L3MBTL4: variants seen among roughly 807,000 people sequenced by gnomAD.
The protein encoded by L3MBTL4 is L3MBTL histone methyl-lysine binding protein 4, also known as lethal(3)malignant brain tumor-like protein 4.
L3MBTL4 carries 70 observed loss-of-function variants against 84.5 expected under a neutral mutation model. The ratio of observed to expected loss-of-function variants is 0.83; its 90% CI spans 0.68 to 1.01. The LOEUF (loss-of-function observed/expected upper bound fraction) is 1.01. Ranked by LOEUF, L3MBTL4 falls within the 50% of genes least tolerant of loss-of-function variation. The pLI is 0.00. For missense variants in L3MBTL4, 715 were observed against 754.8 expected, an observed-to-expected ratio of 0.95 and a Z score of 0.62; for synonymous variants, 274 against 259.8, an observed-to-expected ratio of 1.05 and a Z score of -0.52.
At chr18:6,081,074 G>T in intron 15 of L3MBTL4, 123 bp from the exon 16 acceptor site, 1 of 589,862 alleles carries the variant, frequency 1.7e-6, no homozygotes, top group Non-Finnish European at 2.8e-6. Flanking sequence ...CAGGTATTTT[G>T]CTGCACAGAG....
At chr18:6,298,254 T>C (rs2050187248) in intron 4 of L3MBTL4, among the ~76,000 whole-genome samples, 1 of 152,214 alleles carries the variant, frequency 6.6e-6, no homozygotes, top group African/African-American at 2.4e-5. Flanking sequence ...TACTTATAAA[T>C]TTATATTTAT....
At chr18:6,180,788 C>T (rs570812156) in intron 12 of L3MBTL4, among the ~76,000 whole-genome samples, 2 of 152,308 alleles carry the variant, frequency 1.3e-5, no homozygotes, top group Admixed American at 1.3e-4. Context: ...TATTTTTTAA[C>T]CACAAACCCT....
At chr18:5,990,544 T>C (rs2053643022) in intron 16 of L3MBTL4, among the ~76,000 whole-genome samples, 1 of 152,172 alleles carries the variant, frequency 6.6e-6, no homozygotes. Context: ...ATCTGTATCA[T>C]ATATATGAAA....
At chr18:6,034,612 G>A (rs1346602602) in intron 16 of L3MBTL4, among the ~76,000 whole-genome samples, 82 of 152,246 alleles carry the variant, frequency 5.4e-4, no homozygotes, top group African/African-American at 1.9e-3. Context: ...AAACATACGT[G>A]TGCATGTGTC....
intron 3 of L3MBTL4, 67 bp downstream of exon 3, chr18:6,311,487 C>T: frequency 7.5e-7 from 1 of 1,341,868 alleles, no homozygotes; most frequent in Non-Finnish European, 1.1e-6. Context: ...GTGAACTCTA[C>T]TATTCCATGG....
chr18:6,375,999 G>C (rs2054352274), intron 1 of L3MBTL4, among the ~76,000 whole-genome samples: 1 of 152,190 alleles, frequency 6.6e-6, no homozygotes, highest in Non-Finnish European at 1.5e-5. Context: ...TGCTCAAGTT[G>C]CCAGTAGCTT....
chr18:5,979,012 C>A (rs139425999), intron 16 of L3MBTL4, among the ~76,000 whole-genome samples: 7 of 152,162 alleles, frequency 4.6e-5, no homozygotes, highest in Non-Finnish European at 8.8e-5. Context: ...ACCTCCACCC[C>A]CCGGCACAGC....
rs139811431 is a variant in L3MBTL4, at chr18:6,214,170, T to G, written c.871-911A>C. Among the ~76,000 whole-genome samples the G allele has an allele frequency of 8.0e-4, 122 of 152,284 alleles. 1 individual carries two copies. Among genetic ancestry groups the G allele is most frequent in the Non-Finnish European group, 1.5e-3 (103 of 68,024 alleles). On this transcript the variant is annotated intron_variant, in intron 11 of 18. Coordinates refer to ENST00000317931, the MANE Select transcript of L3MBTL4 (RefSeq NM_001330559.2). Reference sequence around the variant, plus strand: ...CATTTCATCTGTAACAAGAGACAGGTGATCTGTGTTATGGTTTCTTTCACT... The same window carrying G: ...CATTTCATCTGTAACAAGAGACAGGGGATCTGTGTTATGGTTTCTTTCACT...
intron 16 of L3MBTL4, among the ~76,000 whole-genome samples, chr18:6,010,425 A>T (rs2054681089): frequency 6.6e-6 from 1 of 152,088 alleles, no homozygotes; most frequent in East Asian, 1.9e-4. Context: ...ATCAGTGATG[A>T]CTCAACTTAT....
intron 16 of L3MBTL4, chr18:6,030,071 T>C: frequency 2.0e-6 from 2 of 985,364 alleles, no homozygotes; most frequent in Non-Finnish European, 2.4e-6. Context: ...CGTCAGATTT[T>C]ATTGCTAAAG....
intron 12 of L3MBTL4, among the ~76,000 whole-genome samples, chr18:6,180,663 T>G (rs937528172): frequency 6.6e-6 from 1 of 152,208 alleles, no homozygotes; most frequent in Non-Finnish European, 1.5e-5. Flanking sequence ...ACTGCCCAAA[T>G]TCATCAGGTT....
rs796452134 is a variant in L3MBTL4, at chr18:6,322,497, GGAAGGAAA to G, written c.-90-10449_-90-10442del. 6.1e-3 allele frequency among the ~76,000 whole-genome samples: 846 copies of G among 139,254 alleles called. 6 individuals are homozygous for G. The highest frequency in any genetic ancestry group is 0.015 in the Admixed American group (213 of 14,332). 91.4% of individuals were successfully genotyped at this position (139,254 alleles called of 152,430 possible). A position where few individuals can be genotyped will look rare whatever the true frequency, so the allele number is the denominator to read the frequency against. ...AGGAAGGAAGGAAGGAAGGAAGGAA[GGAAGGAAA>G]GAAGGAAAAAAAAAACAAACAAACA... On this transcript the variant is annotated intron_variant, in intron 1 of 18. Transcript: ENST00000317931.
chr18:6,126,434 TC>T (rs2059697699), intron 14 of L3MBTL4, among the ~76,000 whole-genome samples: 1 of 152,186 alleles, frequency 6.6e-6, no homozygotes, highest in African/African-American at 2.4e-5. Flanking sequence ...TACTGCTCTT[TC>T]TCACACAGAA....
chr18:6,090,542 T>C (rs1383831625), intron 15 of L3MBTL4, among the ~76,000 whole-genome samples: 2 of 150,980 alleles, frequency 1.3e-5, no homozygotes, highest in Admixed American at 1.3e-4. Flanking sequence ...TTCACTTGAA[T>C]TACAAGAAGT....
At chr18:6,065,996 T>G (rs1339834741) in intron 16 of L3MBTL4, among the ~76,000 whole-genome samples, 1 of 152,122 alleles carries the variant, frequency 6.6e-6, no homozygotes, top group Non-Finnish European at 1.5e-5. Flanking sequence ...CATTTAATAC[T>G]ATGAACTTTC....
intron 1 of L3MBTL4, among the ~76,000 whole-genome samples, chr18:6,406,154 C>T (rs955206760): frequency 1.3e-5 from 2 of 152,224 alleles, no homozygotes; most frequent in Non-Finnish European, 2.9e-5. Context: ...GTTGACATGA[C>T]ATCATAGAAA....
intron 16 of L3MBTL4, among the ~76,000 whole-genome samples, chr18:5,992,625 G>A (rs553742361): frequency 3.9e-5 from 6 of 152,276 alleles, no homozygotes; most frequent in East Asian, 1.9e-4. Context: ...CCTCATGAGC[G>A]GCTTGGGCCA....
chr18:6,276,331 T>A (rs2049077039), intron 4 of L3MBTL4, among the ~76,000 whole-genome samples: 1 of 152,234 alleles, frequency 6.6e-6, no homozygotes, highest in Admixed American at 6.5e-5. Context: ...ATTTTTAAAT[T>A]GATTGAGACC....
chr18:6,218,684 A>T (rs1442426460), intron 10 of L3MBTL4, among the ~76,000 whole-genome samples: 4 of 152,214 alleles, frequency 2.6e-5, no homozygotes, highest in Admixed American at 6.5e-5. Context: ...TACATGCAAA[A>T]AAGGGAAAAT....
Sources: allele counts gnomAD v4.1 joint callset (sites outside exome capture counted in the v4.1 genomes callset), GRCh38; gene constraint gnomAD v4.1.1; transcripts MANE v1.5; gene names NCBI Gene and HGNC (gene_info 2026-07-23, HGNC 2026-07-21).